Variants in GNA12 observed in about 807,000 individuals in gnomAD.
The protein encoded by GNA12 is G protein subunit alpha 12, also known as guanine nucleotide-binding protein subunit alpha-12.
GNA12 carries 9 observed loss-of-function variants against 26.0 expected under a neutral mutation model. The observed-to-expected ratio is 0.35, with a 90% confidence interval of 0.21 to 0.60. The LOEUF is 0.60. GNA12 is among the 20% of genes least tolerant of loss of function. The pLI, the probability that GNA12 is intolerant of heterozygous loss-of-function variation, is 0.78. For synonymous variants in GNA12, 264 were observed against 219.6 expected (o/e 1.20, Z -1.79); for missense variants, 405 against 525.8 (o/e 0.77, Z 2.25).
At chr7:2,773,881 G>C (rs1421033648) in intron 2 of GNA12, among the ~76,000 whole-genome samples, 1 of 152,156 alleles carries the variant, frequency 6.6e-6, no homozygotes, top group African/African-American at 2.4e-5. Context: ...CCATCACCAG[G>C]AGGGCAGGGA....
In GNA12 at chr7:2,776,107, T is replaced by C. The variant is rs144546080; in HGVS notation, c.525+18821A>G. On this transcript the variant is annotated intron_variant, in intron 2 of 3. Coordinates refer to ENST00000275364, the MANE Select transcript of GNA12 (RefSeq NM_007353.3). ...CTGTCATCCAGGTTAGACCGCTCAT[T>C]GCAGCCTCAACCTCCTGGGCTTCAG... Among the ~76,000 whole-genome samples, 90 of 152,348 alleles carry C rather than the reference T, an allele frequency of 5.9e-4. 1 individual carries two copies. The highest frequency in any genetic ancestry group is 2.0e-3 in the African/African-American group (82 of 41,580).
At chr7:2,842,217 T>C (rs1289120790) in intron 1 of GNA12, among the ~76,000 whole-genome samples, 1 of 151,682 alleles carries the variant, frequency 6.6e-6, no homozygotes, top group African/African-American at 2.4e-5. Context: ...GGCTGCACTG[T>C]TCCCTCATCA....
chr7:2,817,525 C>A lies in GNA12; in HGVS notation c.310-22382G>T, dbSNP rs1027842904. Reference sequence around the variant, plus strand: ...CTCGCCCTCACTCACTCTGCTCTGCCCACACCAGCCCCTCAGCTCTCTCTG... The same window carrying A: ...CTCGCCCTCACTCACTCTGCTCTGCACACACCAGCCCCTCAGCTCTCTCTG... On this transcript the variant is annotated intron_variant, in intron 1 of 3. Transcript: ENST00000275364. Among the ~76,000 whole-genome samples the A allele has an allele frequency of 3.3e-5, 5 of 152,348 alleles. No homozygotes were observed. The South Asian group carries it at 1.0e-3, about 32-fold the overall frequency.
intron 2 of GNA12, among the ~76,000 whole-genome samples, chr7:2,748,481 C>A (rs1790873614): frequency 6.6e-6 from 1 of 152,102 alleles, no homozygotes; most frequent in Non-Finnish European, 1.5e-5. Flanking sequence ...AACTGGATCC[C>A]TTCCTTACAC....
intron 3 of GNA12, among the ~76,000 whole-genome samples, chr7:2,732,232 TTCAC>T (rs758284679): frequency 1.3e-5 from 2 of 152,200 alleles, no homozygotes; most frequent in Non-Finnish European, 2.9e-5. Context: ...AAGCATACTC[TTCAC>T]TCACTTTGAC....
chr7:2,788,468 C>G (rs149596292), intron 2 of GNA12, among the ~76,000 whole-genome samples: 30 of 152,320 alleles, frequency 2.0e-4, no homozygotes, highest in Non-Finnish European at 4.0e-4. Context: ...ACACTCTGGA[C>G]CGAGCAAGAA....
At chr7:2,820,984 C>T (rs1438451575) in intron 1 of GNA12, among the ~76,000 whole-genome samples, 1 of 152,238 alleles carries the variant, frequency 6.6e-6, no homozygotes, top group Non-Finnish European at 1.5e-5. Context: ...CAAGAAACCT[C>T]CTGCCTTGGA....
intron 3 of GNA12, among the ~76,000 whole-genome samples, chr7:2,732,236 C>T (rs1789933999): frequency 1.3e-5 from 2 of 152,196 alleles, no homozygotes; most frequent in African/African-American, 4.8e-5. Context: ...ATACTCTTCA[C>T]TCACTTTGAC....
chr7:2,840,619 G>C (rs918551060), intron 1 of GNA12, among the ~76,000 whole-genome samples: 9 of 152,204 alleles, frequency 5.9e-5, no homozygotes, highest in African/African-American at 2.2e-4. Context: ...AGCACTTTGG[G>C]AGGCTGAGGC....
At chr7:2,779,909 T>C (rs1792178679) in intron 2 of GNA12, among the ~76,000 whole-genome samples, 1 of 151,810 alleles carries the variant, frequency 6.6e-6, no homozygotes, top group South Asian at 2.1e-4. Flanking sequence ...ATAATACATG[T>C]TTTGGCCACA....
At chr7:2,831,197 A>G (rs1221536169) in intron 1 of GNA12, among the ~76,000 whole-genome samples, 5 of 151,834 alleles carry the variant, frequency 3.3e-5, no homozygotes, top group South Asian at 4.2e-4. Flanking sequence ...GTCATACCAG[A>G]TAAGTACTGA....
At chr7:2,732,424 T>C (rs549125335) in intron 3 of GNA12, among the ~76,000 whole-genome samples, 7 of 152,294 alleles carry the variant, frequency 4.6e-5, no homozygotes, top group African/African-American at 1.7e-4. Flanking sequence ...CCTCATGCTA[T>C]AGTCCCAGCT....
rs922384613 is a variant in GNA12 at position 2,765,308 on chromosome 7, C to T, written c.525+29620G>A. Among the ~76,000 whole-genome samples, 6 of 152,050 alleles carry T rather than the reference C, an allele frequency of 3.9e-5. No individual in the cohort carries two copies. The South Asian group carries it at 8.3e-4, about 21-fold the overall frequency. ...GACCACAGGCACCCGCCACTGCGCC[C>T]GCCTAATTTTTTTGTATTTTTAGTA... On this transcript the variant is annotated intron_variant, in intron 2 of 3. Coordinates refer to ENST00000275364, the MANE Select transcript of GNA12 (RefSeq NM_007353.3).
In GNA12 at chr7:2,731,838, G is replaced by A; in HGVS notation, c.577-88C>T. 4 of 693,042 alleles carry A rather than the reference G, an allele frequency of 5.8e-6. No homozygotes were observed. Among genetic ancestry groups the A allele is most frequent in the Middle Eastern group, 2.7e-4 (1 of 3,684 alleles). 42.9% of individuals were successfully genotyped at this position (693,042 alleles called of 1,614,324 possible). On this transcript the variant is annotated intron_variant, in intron 3 of 3. Coordinates refer to ENST00000275364, the MANE Select transcript of GNA12 (RefSeq NM_007353.3). This position sits in a 1 kb window ranked among gnomAD's most constrained non-coding sequence, Gnocchi z 6.0. ...CAAAAAGATGGCAAAAAGATAAGAA[G>A]GAAAGAGACTGACTTTTGCAACAGG...
At chr7:2,765,546 G>A (rs563697455) in intron 2 of GNA12, among the ~76,000 whole-genome samples, 14 of 152,120 alleles carry the variant, frequency 9.2e-5, no homozygotes, top group African/African-American at 3.1e-4. Context: ...CTAATCCTGT[G>A]ACTCCAACAT....
At chr7:2,751,352 C>T (rs1333049289) in intron 2 of GNA12, among the ~76,000 whole-genome samples, 1 of 148,668 alleles carries the variant, frequency 6.7e-6, no homozygotes, top group Non-Finnish European at 1.5e-5. Context: ...GACTGCACCA[C>T]TGCAATCCAG....
intron 1 of GNA12, among the ~76,000 whole-genome samples, chr7:2,828,693 C>T (rs746551842): frequency 1.3e-5 from 2 of 152,206 alleles, no homozygotes; most frequent in Non-Finnish European, 2.9e-5. Context: ...TTCAGTTTAG[C>T]AGGTGGTCAA....
At chr7:2,819,560 A>G (rs1487494260) in intron 1 of GNA12, among the ~76,000 whole-genome samples, 5 of 152,248 alleles carry the variant, frequency 3.3e-5, no homozygotes. Context: ...CCCCTTAAGA[A>G]ATTCCCTAGT....
chr7:2,817,777 C>T (rs6978692), intron 1 of GNA12, among the ~76,000 whole-genome samples: 63,575 of 152,050 alleles, frequency 0.42, 13,569 homozygotes, highest in Admixed American at 0.47. Context: ...GGGAGGAGAA[C>T]GGAACATAGA....
Sources: gnomAD v4.1 joint callset for allele counts (sites outside exome capture counted in the v4.1 genomes callset) on GRCh38, gnomAD v4.1.1 for gene constraint, Gnocchi (gnomAD v3.1) non-coding constraint, MANE v1.5 for transcripts, NCBI Gene and HGNC (gene_info 2026-07-23, HGNC 2026-07-21) for gene names.